The following FBXO11 variants were observed in gnomAD, a reference collection of about 807,000 sequenced individuals.
FBXO11 encodes the protein F-box protein 11.
A neutral mutation model predicts 117.0 loss-of-function variants in FBXO11; 13 were observed. That is an observed-to-expected ratio of 0.11 (90% CI 0.07 to 0.18). The LOEUF is 0.18. FBXO11 is among the 10% of genes least tolerant of loss of function. The probability of loss-of-function intolerance (pLI) is 1.00; values close to 1 mark genes in which losing one functional copy is unlikely to be tolerated. For synonymous variants in FBXO11, 490 were observed against 380.5 expected (o/e 1.29, Z -3.35); for missense variants, 767 against 1,164.4 (o/e 0.66, Z 4.97).
chr2:47,808,528 C>A, intron 21 of FBXO11, 101 bp from the exon 22 acceptor site: 1 of 1,024,818 alleles, frequency 9.8e-7, no homozygotes, highest in Non-Finnish European at 1.4e-6. Flanking sequence ...TTAAGAGGAC[C>A]AAAACAAAAT....
intron 1 of FBXO11, among the ~76,000 whole-genome samples, chr2:47,880,186 C>T (rs888289897): frequency 6.6e-6 from 1 of 152,052 alleles, no homozygotes; most frequent in African/African-American, 2.4e-5. Context: ...TTGGTAGAGT[C>T]AGGGTTTTGT....
chr2:47,848,824 G>A (rs898012789), intron 1 of FBXO11, among the ~76,000 whole-genome samples: 4 of 152,108 alleles, frequency 2.6e-5, no homozygotes, highest in African/African-American at 9.7e-5. Context: ...TATTTATTCT[G>A]AGCCTAGCAG....
intron 1 of FBXO11, among the ~76,000 whole-genome samples, chr2:47,884,602 G>T (rs1426510148): frequency 6.6e-6 from 1 of 152,176 alleles, no homozygotes; most frequent in Non-Finnish European, 1.5e-5. Context: ...ATTATTAATT[G>T]TGTGTATGTT....
In FBXO11 at chr2:47,905,800, G is replaced by C; in HGVS notation, c.-80C>G. The C allele has an allele frequency of 7.4e-7, 1 of 1,357,436 alleles. No homozygotes were observed. Among genetic ancestry groups the C allele is most frequent in the Non-Finnish European group, 9.9e-7 (1 of 1,012,472 alleles). 84.1% of individuals were successfully genotyped at this position (1,357,436 alleles called of 1,614,324 possible). A position where few individuals can be genotyped will look rare whatever the true frequency, so the allele number is the denominator to read the frequency against. On this transcript the variant is annotated 5_prime_UTR_variant, in exon 1 of 23. Coordinates refer to ENST00000403359, the MANE Select transcript of FBXO11 (RefSeq NM_001190274.2). ...GCGAGCTTCGGGGCAGGAGAAAGGG[G>C]TGGGGAGAGTGGGAGAGGGGGGAGG...
intron 1 of FBXO11, among the ~76,000 whole-genome samples, chr2:47,877,100 C>T (rs1415719242): frequency 6.6e-6 from 1 of 151,358 alleles, no homozygotes; most frequent in Non-Finnish European, 1.5e-5. Context: ...AATCATGGCT[C>T]ACTGCAGCCT....
intron 1 of FBXO11, among the ~76,000 whole-genome samples, chr2:47,853,857 C>T (rs1249523472): frequency 1.3e-5 from 2 of 152,214 alleles, no homozygotes; most frequent in Non-Finnish European, 2.9e-5. Flanking sequence ...AAAAGTTATC[C>T]AATTTCATCT....
intron 1 of FBXO11, among the ~76,000 whole-genome samples, chr2:47,852,454 C>A (rs1673944949): frequency 6.6e-6 from 1 of 152,012 alleles, no homozygotes; most frequent in African/African-American, 2.4e-5. Flanking sequence ...AAGTAATCAC[C>A]CGACAAGAAA....
chr2:47,904,182 TCCCTTTAACCAATGGAGG>T (rs1678551203), intron 1 of FBXO11, among the ~76,000 whole-genome samples: 2 of 152,194 alleles, frequency 1.3e-5, no homozygotes, highest in Non-Finnish European at 2.9e-5. Context: ...TTAATCTCAA[TCCCTTTAACCAATGGAGG>T]TGTGACAACA....
rs111941965 is a variant in FBXO11, at chr2:47,888,108, T to C, written c.232+17381A>G. Among the ~76,000 whole-genome samples, 83 of 152,294 alleles carry C rather than the reference T, an allele frequency of 5.4e-4. 1 individual carries two copies. Among genetic ancestry groups the C allele is most frequent in the African/African-American group, 1.9e-3 (80 of 41,562 alleles). On this transcript the variant is annotated intron_variant, in intron 1 of 22. Transcript: ENST00000403359. Reference sequence around the variant, plus strand: ...TTTCTAGGGTGCCAGGCACTCATGATCTACACCGCTCACTTCGCACTTACA... The same window carrying C: ...TTTCTAGGGTGCCAGGCACTCATGACCTACACCGCTCACTTCGCACTTACA...
In FBXO11 at chr2:47,817,139, G is replaced by A. The variant is rs1224254516; in HGVS notation, c.2006+1640C>T. On this transcript the variant is annotated intron_variant, in intron 16 of 22. Coordinates refer to ENST00000403359, the MANE Select transcript of FBXO11 (RefSeq NM_001190274.2). Reference sequence around the variant, plus strand: ...GCTATATCTTCTGGGATAACTTTCTGTAGCTTCTATCTCAGCATTTGCTGC... The same window carrying A: ...GCTATATCTTCTGGGATAACTTTCTATAGCTTCTATCTCAGCATTTGCTGC... 3.3e-5 allele frequency among the ~76,000 whole-genome samples: 5 copies of A among 152,338 alleles called. No individual in the cohort carries two copies. The East Asian group carries it at 7.7e-4, about 23-fold the overall frequency.
chr2:47,824,499 G>A (rs1294440118), intron 11 of FBXO11, among the ~76,000 whole-genome samples: 1 of 151,986 alleles, frequency 6.6e-6, no homozygotes, highest in East Asian at 1.9e-4. Context: ...AATAAAGGTT[G>A]ACCAAAGAAC....
At chr2:47,873,583 T>A (rs913033918) in intron 1 of FBXO11, among the ~76,000 whole-genome samples, 1 of 152,156 alleles carries the variant, frequency 6.6e-6, no homozygotes, top group African/African-American at 2.4e-5. Context: ...GGCACTTGTG[T>A]CTCTTATTCC....
At chr2:47,837,438 A>T (rs1672667943) in intron 4 of FBXO11, among the ~76,000 whole-genome samples, 1 of 152,134 alleles carries the variant, frequency 6.6e-6, no homozygotes, top group Non-Finnish European at 1.5e-5. Context: ...GAGGCAGGAG[A>T]ATTGCTTGAA....
intron 16 of FBXO11, among the ~76,000 whole-genome samples, chr2:47,814,819 C>T (rs1341155639): frequency 1.3e-5 from 2 of 152,134 alleles, no homozygotes; most frequent in Non-Finnish European, 2.9e-5. Context: ...GTTGTCAATC[C>T]TTGCCAACCC....
intron 7 of FBXO11, among the ~76,000 whole-genome samples, chr2:47,833,818 C>T (rs1007228891): frequency 2.6e-5 from 4 of 152,142 alleles, no homozygotes; most frequent in Non-Finnish European, 5.9e-5. Context: ...GTGCACACCA[C>T]CACACCTGGC....
chr2:47,844,879 C>T (rs764452416), intron 1 of FBXO11, among the ~76,000 whole-genome samples: 3 of 152,050 alleles, frequency 2.0e-5, no homozygotes, highest in African/African-American at 4.8e-5. Flanking sequence ...TCAAGTGATC[C>T]GCCTAACTTG....
chr2:47,880,090 G>A (rs1056690369), intron 1 of FBXO11, among the ~76,000 whole-genome samples: 1 of 151,772 alleles, frequency 6.6e-6, no homozygotes, highest in Non-Finnish European at 1.5e-5. Context: ...CCACCTTCCA[G>A]GCTCGAGAGA....
At chr2:47,815,894 A>C (rs1670971732) in intron 16 of FBXO11, among the ~76,000 whole-genome samples, 1 of 152,192 alleles carries the variant, frequency 6.6e-6, no homozygotes, top group Non-Finnish European at 1.5e-5. Context: ...TTCAGAATGA[A>C]ACTGGCGCAC....
rs1553334591 is a variant in FBXO11 at position 47,807,577 on chromosome 2, A to AT, written c.*540dup. On this transcript the variant is annotated 3_prime_UTR_variant, in exon 23 of 23. Transcript: ENST00000403359. ...TAGGTGTGCTAACAAAACAGGGCACATTCAAGTACAGTAAGATTTTGCTTG... is the reference window on the plus strand; with the variant it reads ...TAGGTGTGCTAACAAAACAGGGCACATTTCAAGTACAGTAAGATTTTGCTTG... 1 of 216,376 alleles carries AT rather than the reference A, an allele frequency of 4.6e-6. No homozygotes were observed. The highest frequency in any genetic ancestry group is 9.3e-6 in the Non-Finnish European group (1 of 107,288). 13.4% of individuals were successfully genotyped at this position (216,376 alleles called of 1,614,324 possible). A position where few individuals can be genotyped will look rare whatever the true frequency, so the allele number is the denominator to read the frequency against.
Sources: gnomAD v4.1 joint callset for allele counts (sites outside exome capture counted in the v4.1 genomes callset) on GRCh38, gnomAD v4.1.1 for gene constraint, MANE v1.5 for transcripts, NCBI Gene and HGNC (gene_info 2026-07-23, HGNC 2026-07-21) for gene names.